CCDC80: variants seen among roughly 807,000 people sequenced by gnomAD.
CCDC80 encodes coiled-coil domain-containing protein 80.
CCDC80 carries 49 observed loss-of-function variants against 78.7 expected under a neutral mutation model. The ratio of observed to expected loss-of-function variants is 0.62; its 90% confidence interval spans 0.50 to 0.79. The LOEUF (loss-of-function observed/expected upper bound fraction) is 0.79. CCDC80 is among the 30% of genes least tolerant of loss of function. The pLI is 0.00. For missense variants in CCDC80, 1,205 were observed against 1,198.6 expected, an observed-to-expected ratio of 1.01 and a Z score of -0.08; for synonymous variants, 488 against 447.0, an observed-to-expected ratio of 1.09 and a Z score of -1.16.
chr3:112,615,546 C>T (rs1029901409), intron 5 of CCDC80, among the ~76,000 whole-genome samples: 1 of 151,896 alleles, frequency 6.6e-6, no homozygotes, highest in Non-Finnish European at 1.5e-5. Flanking sequence ...TTGGCAGAGG[C>T]GTTTAAACCA....
intron 3 of CCDC80, among the ~76,000 whole-genome samples, chr3:112,622,822 A>ATTTTTTTTTTTTT (rs373170477): frequency 4.5e-4 from 54 of 118,882 alleles, no homozygotes; most frequent in East Asian, 7.8e-4. Flanking sequence ...TGCCCAGCTA[A>ATTTTTTTTTTTTT]TTTTTTTTTT....
At chr3:112,619,171 G>A in intron 3 of CCDC80, 67 bp from the exon 4 acceptor site, 1 of 1,440,078 alleles carries the variant, frequency 6.9e-7, no homozygotes, top group Non-Finnish European at 9.2e-7. Context: ...AGGTGAATGG[G>A]TGAAGGCTTT....
At position 112,600,054 on chromosome 3, in the gene CCDC80, C is replaced by T. The variant is rs944881615; in HGVS notation, c.*5363G>A. On this transcript the variant is annotated 3_prime_UTR_variant, in exon 8 of 8. Transcript: ENST00000206423. ...GGTAAGAAACGTTTGGGAAGAAATGCTTTTATGGAGAAACTACTCAGATTT... is the reference window on the plus strand; with the variant it reads ...GGTAAGAAACGTTTGGGAAGAAATGTTTTTATGGAGAAACTACTCAGATTT... 6.6e-6 allele frequency: 1 copy of T among 152,266 alleles called. No individual in the cohort carries two copies. The highest frequency in any genetic ancestry group is 1.5e-5 in the Non-Finnish European group (1 of 68,014). 9.4% of individuals were successfully genotyped at this position (152,266 alleles called of 1,614,324 possible).
intron 4 of CCDC80, among the ~76,000 whole-genome samples, chr3:112,618,270 C>T (rs1935792466): frequency 1.3e-5 from 2 of 152,194 alleles, no homozygotes; most frequent in African/African-American, 4.8e-5. Context: ...CCTGTAATCC[C>T]AGCACTTTGG....
In CCDC80 at chr3:112,638,859, T is replaced by C. The variant is rs755350949; in HGVS notation, c.1047A>G (p.Arg349=). 1 of 1,613,560 alleles carries C rather than the reference T, an allele frequency of 6.2e-7. No individual in the cohort carries two copies. Among genetic ancestry groups the C allele is most frequent in the Non-Finnish European group, 8.5e-7 (1 of 1,179,968 alleles). Residue 349 remains arginine, a synonymous_variant, in exon 2 of 8, where the codon AGA becomes AGG. Coordinates refer to ENST00000206423, the MANE Select transcript of CCDC80 (RefSeq NM_199511.3). Reference sequence around the variant, plus strand: ...CTGGGGCAGGAGGAAGGGTGGTGGCTCTGGGGGTTGAGGGAGGTTGGGGCA... The same window carrying C: ...CTGGGGCAGGAGGAAGGGTGGTGGCCCTGGGGGTTGAGGGAGGTTGGGGCA... The part of the protein sequence containing the change: ...PALPQPPSTP[R]ATTLPPAPAT...
intron 6 of CCDC80, among the ~76,000 whole-genome samples, chr3:112,609,467 T>TA (rs537245787): frequency 9.6e-4 from 146 of 152,182 alleles, no homozygotes; most frequent in African/African-American, 3.4e-3. Flanking sequence ...AATCCTTTTT[T>TA]AAAAAAAATT....
At chr3:112,612,128 C>A (rs1331362559) in intron 5 of CCDC80, among the ~76,000 whole-genome samples, 2 of 148,600 alleles carry the variant, frequency 1.3e-5, no homozygotes, top group African/African-American at 2.5e-5. Context: ...GCACAAAGGA[C>A]AAGAAAGGAG....
Position 112,600,686 on chromosome 3 carries a change from T to C in CCDC80, c.*4731A>G. ...CCAGCTAATTTTTTGTATTTTTTTG[T>C]AGAGACAGGGTTTTGCCGTGTTGCC... On this transcript the variant is annotated 3_prime_UTR_variant, in exon 8 of 8. Transcript: ENST00000206423. 1 of 152,662 alleles carries C rather than the reference T, an allele frequency of 6.6e-6. No homozygotes were observed. The highest frequency in any genetic ancestry group is 1.5e-5 in the Non-Finnish European group (1 of 68,380). 9.5% of individuals were successfully genotyped at this position (152,662 alleles called of 1,614,324 possible).
At chr3:112,616,915 C>T in intron 4 of CCDC80, 57 bp from the exon 5 acceptor site, 1 of 1,565,504 alleles carries the variant, frequency 6.4e-7, no homozygotes, top group Non-Finnish European at 8.7e-7. Flanking sequence ...TCTCTCTATT[C>T]AGAGGATAGA....
intron 2 of CCDC80, among the ~76,000 whole-genome samples, chr3:112,637,799 C>T (rs1226492514): frequency 6.6e-6 from 1 of 152,146 alleles, no homozygotes; most frequent in Non-Finnish European, 1.5e-5. Context: ...CAGCCACTGA[C>T]TTTGTACCAC....
At position 112,605,119 on chromosome 3, in the gene CCDC80, T is replaced by G. The variant is rs1455189840; in HGVS notation, c.*298A>C. 2 of 237,376 alleles carry G rather than the reference T, an allele frequency of 8.4e-6. No homozygotes were observed. Among genetic ancestry groups the G allele is most frequent in the South Asian group, 1.7e-4 (1 of 5,994 alleles). The allele number at this position is 237,376 out of a possible 1,614,324, so 14.7% of individuals were successfully genotyped here. On this transcript the variant is annotated 3_prime_UTR_variant, in exon 8 of 8. Transcript: ENST00000206423. Reference sequence around the variant, plus strand: ...CTTTAAATACATATTTTATAAAATTTTATATGCCAAATAAGGTCCTTCATA... The same window carrying G: ...CTTTAAATACATATTTTATAAAATTGTATATGCCAAATAAGGTCCTTCATA...
intron 2 of CCDC80, among the ~76,000 whole-genome samples, chr3:112,632,907 A>G (rs1340437202): frequency 6.6e-6 from 1 of 152,126 alleles, no homozygotes; most frequent in East Asian, 1.9e-4. Context: ...TTTACCCCCT[A>G]GAGCCAGACC....
At chr3:112,613,289 TGA>T (rs1227023458) in intron 5 of CCDC80, among the ~76,000 whole-genome samples, 1 of 152,170 alleles carries the variant, frequency 6.6e-6, no homozygotes, top group Admixed American at 6.5e-5. Context: ...AATGATTTTA[TGA>T]GTTATGACTA....
intron 6 of CCDC80, 59 bp downstream of exon 6, chr3:112,609,919 A>C: frequency 8.3e-7 from 1 of 1,199,582 alleles, no homozygotes; most frequent in Non-Finnish European, 1.2e-6. Flanking sequence ...GTTCCATTTT[A>C]GAATTGACCA....
At chr3:112,611,627 C>G (rs1037875293) in intron 5 of CCDC80, among the ~76,000 whole-genome samples, 5 of 152,222 alleles carry the variant, frequency 3.3e-5, no homozygotes, top group South Asian at 2.1e-4. Context: ...CCAGCGGTTT[C>G]CCCGACCTAC....
In CCDC80 at chr3:112,616,745, C is replaced by T. The variant is rs760862429; in HGVS notation, c.2286G>A (p.Glu762=). The stretch of plus-strand genomic sequence containing the variant: ...AGTTCTCCAGGGACTGCTTTTTGTC[C>T]TCTTTGCAAACAATGCCCTCCTTCT... ...KQKKEGIVCK[E]DKKQSLENFL... The change falls in exon 5 of 8, where the codon GAG becomes GAA. Residue 762 remains glutamate, a synonymous_variant. Coordinates refer to ENST00000206423, the MANE Select transcript of CCDC80 (RefSeq NM_199511.3). 28 of 1,614,004 alleles carry T rather than the reference C, an allele frequency of 1.7e-5. No homozygotes were observed. Among genetic ancestry groups the T allele is most frequent in the Non-Finnish European group, 2.1e-5 (25 of 1,180,006 alleles).
At position 112,640,621 on chromosome 3, in the gene CCDC80, A is replaced by G. The variant is rs934088502; in HGVS notation, c.-306T>C. 1.3e-5 allele frequency: 2 copies of G among 152,060 alleles called. No homozygotes were observed. 9.4% of individuals were successfully genotyped at this position (152,060 alleles called of 1,614,324 possible). On this transcript the variant is annotated 5_prime_UTR_variant, in exon 1 of 8. An upstream start codon of the reference 5' UTR is lost. Transcript: ENST00000206423. ...TGTCCTTCTAAGTCTTTGTATCTCC[A>G]TTTGTCTGCAGTTTCTCCTCGGTCT...
intron 5 of CCDC80, among the ~76,000 whole-genome samples, chr3:112,614,300 A>C (rs1405983039): frequency 6.6e-6 from 1 of 152,250 alleles, no homozygotes; most frequent in African/African-American, 2.4e-5. Flanking sequence ...TTCGAAGCCT[A>C]ATTCAGAAGT....
intron 3 of CCDC80, among the ~76,000 whole-genome samples, chr3:112,626,638 C>T (rs1231260771): frequency 6.6e-6 from 1 of 152,090 alleles, no homozygotes; most frequent in Non-Finnish European, 1.5e-5. Flanking sequence ...ACCTCTGCCT[C>T]CCAGGTTCAA....
Sources: allele counts gnomAD v4.1 joint callset (sites outside exome capture counted in the v4.1 genomes callset), GRCh38; gene constraint gnomAD v4.1.1; transcripts MANE v1.5; gene names NCBI Gene and HGNC (gene_info 2026-07-23, HGNC 2026-07-21).